PLXNA4: variants seen among roughly 807,000 people sequenced by gnomAD.
The protein encoded by PLXNA4 is plexin-A4.
A neutral mutation model predicts 191.8 loss-of-function variants in PLXNA4; 44 were observed. The observed-to-expected ratio is 0.23, with a 90% CI of 0.18 to 0.29. PLXNA4 has a LOEUF of 0.29. Ranked by LOEUF, PLXNA4 falls within the 10% of genes least tolerant of loss-of-function variation. The pLI is 1.00. For synonymous variants in PLXNA4, 1,082 were observed against 1,009.5 expected, an observed-to-expected ratio of 1.07 and a Z score of -1.36; for missense variants, 1,800 against 2,488.8, an observed-to-expected ratio of 0.72 and a Z score of 5.89.
chr7:132,418,695 A>T (rs919298091), intron 3 of PLXNA4, among the ~76,000 whole-genome samples: 1 of 152,184 alleles, frequency 6.6e-6, no homozygotes, highest in African/African-American at 2.4e-5. Context: ...GTAGAAATCA[A>T]TGGTTTTCCT....
At chr7:132,556,591 C>T (rs559134216) in intron 1 of PLXNA4, among the ~76,000 whole-genome samples, 5 of 152,354 alleles carry the variant, frequency 3.3e-5, no homozygotes, top group South Asian at 4.1e-4. Flanking sequence ...CAGTGCCAGA[C>T]CTGTCTGCCT....
At chr7:132,380,893 C>T (rs950523097) in intron 3 of PLXNA4, among the ~76,000 whole-genome samples, 1 of 152,206 alleles carries the variant, frequency 6.6e-6, no homozygotes, top group Non-Finnish European at 1.5e-5. Context: ...ATGCCAACTC[C>T]AGTAAATTAG....
At chr7:132,388,263 C>T (rs1428472759) in intron 3 of PLXNA4, among the ~76,000 whole-genome samples, 1 of 152,058 alleles carries the variant, frequency 6.6e-6, no homozygotes, top group Non-Finnish European at 1.5e-5. Flanking sequence ...ACTGTCACTT[C>T]GATCCGACTT....
At chr7:132,203,497 A>G (rs1032110039) in intron 10 of PLXNA4, 78 bp from the exon 11 acceptor site, 2 of 1,290,744 alleles carry the variant, frequency 1.5e-6, no homozygotes, top group Non-Finnish European at 2.2e-6. Flanking sequence ...TGATCAGCCT[A>G]CGGCCGTTAA....
chr7:132,571,424 A>T (rs1043506901), intron 1 of PLXNA4, among the ~76,000 whole-genome samples: 1 of 152,200 alleles, frequency 6.6e-6, no homozygotes, highest in Admixed American at 6.5e-5. Flanking sequence ...CAACCACCAT[A>T]GGATCCAGGC....
At chr7:132,171,182 T>C (rs1489812916) in intron 21 of PLXNA4, among the ~76,000 whole-genome samples, 1 of 152,260 alleles carries the variant, frequency 6.6e-6, no homozygotes, top group East Asian at 1.9e-4. Flanking sequence ...TAATAGTAGA[T>C]AATGTCATTT....
At chr7:132,502,473 G>A (rs1377624610) in intron 2 of PLXNA4, among the ~76,000 whole-genome samples, 1 of 152,196 alleles carries the variant, frequency 6.6e-6, no homozygotes, top group African/African-American at 2.4e-5. Flanking sequence ...GGTTCTCAAC[G>A]AGAGGCTTCT....
intron 3 of PLXNA4, among the ~76,000 whole-genome samples, chr7:132,396,983 C>T (rs892473476): frequency 1.3e-5 from 2 of 152,218 alleles, no homozygotes; most frequent in Admixed American, 1.3e-4. Flanking sequence ...GGAAATCCTG[C>T]CCCAAGATCC....
At position 132,260,499 on chromosome 7, in the gene PLXNA4, C is replaced by T. The variant is rs1048995936; in HGVS notation, c.1504-19333G>A. Among the ~76,000 whole-genome samples the T allele has an allele frequency of 5.3e-5, 8 of 152,016 alleles. No individual in the cohort carries two copies. The East Asian group carries it at 5.8e-4, about 11-fold the overall frequency. On this transcript the variant is annotated intron_variant, in intron 4 of 31. Coordinates refer to ENST00000321063, the MANE Select transcript of PLXNA4 (RefSeq NM_020911.2). ...TAAAGATAAAGACGGGAACAACAGA[C>T]GCCAGGGAGTACTAGAGTGGGGAGG...
At chr7:132,561,522 CCTCCTCCTCCTTCTCCTCCTCCTT>C (rs562348940) in intron 1 of PLXNA4, among the ~76,000 whole-genome samples, 2 of 111,782 alleles carry the variant, frequency 1.8e-5, no homozygotes, top group Non-Finnish European at 3.5e-5. Context: ...TCCTCCTTCT[CCTCCTCCTCCTTCTCCTCCTCCTT>C]CTCCTCCTCC....
intron 4 of PLXNA4, among the ~76,000 whole-genome samples, chr7:132,260,675 T>TAA (rs1265701695): frequency 9.2e-5 from 13 of 141,848 alleles, no homozygotes; most frequent in African/African-American, 3.4e-4. Context: ...AAATAAAAAT[T>TAA]AAAAAAAAAA....
At chr7:132,385,711 T>TGC (rs919392662) in intron 3 of PLXNA4, among the ~76,000 whole-genome samples, 2 of 152,218 alleles carry the variant, frequency 1.3e-5, no homozygotes, top group African/African-American at 4.8e-5. Context: ...TGCAAGTGCA[T>TGC]GCGCGCACAC....
intron 3 of PLXNA4, among the ~76,000 whole-genome samples, chr7:132,444,024 C>T (rs1202675589): frequency 6.6e-6 from 1 of 152,194 alleles, no homozygotes; most frequent in Non-Finnish European, 1.5e-5. Flanking sequence ...TCTGCAAATG[C>T]CTGGCTTAGA....
At chr7:132,561,993 TTC>T (rs1314432274) in intron 1 of PLXNA4, among the ~76,000 whole-genome samples, 2 of 135,468 alleles carry the variant, frequency 1.5e-5, no homozygotes, top group Non-Finnish European at 3.2e-5. Flanking sequence ...CTCCTCTTCT[TTC>T]TCTGCCTCCT....
chr7:132,647,206 C>G (rs1255366933), intron 1 of PLXNA4, among the ~76,000 whole-genome samples: 2 of 151,936 alleles, frequency 1.3e-5, no homozygotes, highest in East Asian at 3.9e-4. Context: ...CACCCACATG[C>G]TATCATATAC....
rs745367622 is a variant in PLXNA4, at chr7:132,563,614, TTCC to T, written c.-87+12805_-87+12807del. ...CTCATCCTTTCTCCTCCTCCTTCTC[TTCC>T]TCCTCCTTCTCTTCCTCCTTCTCCT... On this transcript the variant is annotated intron_variant, in intron 1 of 31. Coordinates refer to ENST00000321063, the MANE Select transcript of PLXNA4 (RefSeq NM_020911.2). Among the ~76,000 whole-genome samples the T allele has an allele frequency of 5.0e-4, 50 of 100,444 alleles. 1 individual carries two copies. The highest frequency in any genetic ancestry group is 8.9e-4 in the Non-Finnish European group (43 of 48,554). 65.9% of individuals were successfully genotyped at this position (100,444 alleles called of 152,430 possible). A position where few individuals can be genotyped will look rare whatever the true frequency, so the allele number is the denominator to read the frequency against.
chr7:132,233,807 C>T (rs1798602305), intron 5 of PLXNA4, among the ~76,000 whole-genome samples: 1 of 152,212 alleles, frequency 6.6e-6, no homozygotes, highest in African/African-American at 2.4e-5. Flanking sequence ...GCCCTGGGTC[C>T]CTGACTGGAT....
In PLXNA4 at chr7:132,175,025, G is replaced by A; in HGVS notation, c.3875-105C>T. On this transcript the variant is annotated intron_variant, in intron 20 of 31. Coordinates refer to ENST00000321063, the MANE Select transcript of PLXNA4 (RefSeq NM_020911.2). ...TTACCCAAGCCCCTAGGAGACATGA[G>A]CAATGGACCACGATGGGCGGGAATA... The A allele has an allele frequency of 3.3e-6, 5 of 1,509,904 alleles. No homozygotes were observed. In the South Asian group the frequency reaches 3.9e-5, roughly 12 times the overall value. 93.5% of individuals were successfully genotyped at this position (1,509,904 alleles called of 1,614,324 possible). A position where few individuals can be genotyped will look rare whatever the true frequency, so the allele number is the denominator to read the frequency against.
intron 3 of PLXNA4, among the ~76,000 whole-genome samples, chr7:132,488,765 C>G (rs977031413): frequency 3.9e-5 from 6 of 152,196 alleles, no homozygotes; most frequent in Non-Finnish European, 1.5e-5. Context: ...CTCACCAGAG[C>G]AATTTTCATG....
Sources: gnomAD v4.1 joint callset for allele counts (sites outside exome capture counted in the v4.1 genomes callset) on GRCh38, gnomAD v4.1.1 for gene constraint, MANE v1.5 for transcripts, NCBI Gene and HGNC (gene_info 2026-07-23, HGNC 2026-07-21) for gene names.